DHRS7B: variants seen among roughly 807,000 people sequenced by gnomAD.
The protein encoded by DHRS7B is dehydrogenase/reductase 7B.
Under a neutral mutation model 26.4 loss-of-function variants are expected in DHRS7B, and 24 were observed. The observed-to-expected ratio is 0.91, with a 90% CI of 0.66 to 1.28. The LOEUF (loss-of-function observed/expected upper bound fraction) is 1.28. DHRS7B is among the 50% of genes most tolerant of loss of function. The probability of loss-of-function intolerance (pLI) is 0.00; values close to 1 mark genes in which losing one functional copy is unlikely to be tolerated. For synonymous variants in DHRS7B, 142 were observed against 166.4 expected, an observed-to-expected ratio of 0.85 and a Z score of 1.13; for missense variants, 368 against 419.4, an observed-to-expected ratio of 0.88 and a Z score of 1.07.
intron 2 of DHRS7B, among the ~76,000 whole-genome samples, chr17:21,174,871 TG>T (rs758806353): frequency 1.3e-5 from 2 of 152,142 alleles, no homozygotes; most frequent in Non-Finnish European, 2.9e-5. Context: ...TGGCTTGGAG[TG>T]CAGCCATCAC....
At chr17:21,182,307 G>A (rs1438674780) in intron 3 of DHRS7B, among the ~76,000 whole-genome samples, 1 of 151,584 alleles carries the variant, frequency 6.6e-6, no homozygotes, top group Non-Finnish European at 1.5e-5. Flanking sequence ...GGAGTGCAAT[G>A]GTGCGATCTC....
chr17:21,191,163 C>A lies in DHRS7B; in HGVS notation c.*10C>A, dbSNP rs370322349. The stretch of plus-strand genomic sequence containing the variant: ...ATCCAAGAACTCCTAGTACTCTGAC[C>A]AGCCAGGGCCAGGGCAGAGAAGCAG... On this transcript the variant is annotated 3_prime_UTR_variant, in exon 7 of 7. Coordinates refer to ENST00000395511, the MANE Select transcript of DHRS7B (RefSeq NM_015510.5). 1.2e-6 allele frequency: 2 copies of A among 1,612,564 alleles called. No homozygotes were observed. Among genetic ancestry groups the A allele is most frequent in the African/African-American group, 1.3e-5 (1 of 74,892 alleles).
chr17:21,145,316 G>A (rs1050077813), intron 1 of DHRS7B, among the ~76,000 whole-genome samples: 4 of 150,908 alleles, frequency 2.7e-5, no homozygotes, highest in Admixed American at 6.6e-5. Context: ...AGAGCGAGAC[G>A]CCGTCTAAAA....
At chr17:21,128,603 G>C (rs1973154557) in intron 1 of DHRS7B, 1 of 152,120 alleles carries the variant, frequency 6.6e-6, no homozygotes, top group African/African-American at 2.4e-5. Flanking sequence ...GGGAGGCTGA[G>C]GCAGGAGAAT....
chr17:21,188,848 G>A lies in DHRS7B; in HGVS notation c.757G>A (p.Gly253Arg), dbSNP rs1220999943. The A allele has an allele frequency of 3.1e-6, 5 of 1,614,178 alleles. No individual in the cohort carries two copies. The highest frequency in any genetic ancestry group is 4.2e-6 in the Non-Finnish European group (5 of 1,180,026). The change falls in exon 6 of 7, where the codon GGA becomes AGA. Residue 253 changes from glycine to arginine, a missense_variant. Physicochemically the swap from Gly to Arg is moderately radical, Grantham distance 125. Transcript: ENST00000395511. ...CTCTGTAAATGCCATCACCGCGGAT[G>A]GATCTAGGTATGGAGGTGAGGCCCG... is the stretch of plus-strand genomic sequence containing the variant. ...NLSVNAITAD[G>R]SRYGVMDTTT...
chr17:21,155,221 G>GAC (rs1281794690), intron 1 of DHRS7B, among the ~76,000 whole-genome samples: 2 of 152,080 alleles, frequency 1.3e-5, no homozygotes, highest in East Asian at 3.8e-4. Flanking sequence ...CAAAGAATAA[G>GAC]ACCCAAATAT....
intron 2 of DHRS7B, among the ~76,000 whole-genome samples, chr17:21,173,877 G>A (rs2144142722): frequency 6.6e-6 from 1 of 152,284 alleles, no homozygotes; most frequent in African/African-American, 2.4e-5. Context: ...TGAGTCGCAA[G>A]TGCTCCCATC....
chr17:21,189,247 G>T (rs1486930497), intron 6 of DHRS7B, among the ~76,000 whole-genome samples: 1 of 152,218 alleles, frequency 6.6e-6, no homozygotes, highest in South Asian at 2.1e-4. Flanking sequence ...TAGGGTGTTT[G>T]ATGGTCTGTC....
At chr17:21,142,430 C>T (rs754944658) in intron 1 of DHRS7B, among the ~76,000 whole-genome samples, 10 of 152,132 alleles carry the variant, frequency 6.6e-5, no homozygotes, top group Non-Finnish European at 1.5e-4. Context: ...TCTTTAGTTT[C>T]GCTTCTCTTT....
rs190555736 is a variant in DHRS7B at position 21,150,721 on chromosome 17, T to C, written c.21-21297T>C. On this transcript the variant is annotated intron_variant, in intron 1 of 6. Transcript: ENST00000395511. ...TATAATAAAATTACCACAAATTTAG[T>C]GGCTTAATAAACCACATATTTATTA... Among the ~76,000 whole-genome samples the C allele has an allele frequency of 4.0e-3, 604 of 152,332 alleles. 3 individuals are homozygous for C. Among genetic ancestry groups the C allele is most frequent in the Non-Finnish European group, 4.6e-3 (310 of 68,032 alleles).
chr17:21,139,271 T>C (rs938561691), intron 1 of DHRS7B, among the ~76,000 whole-genome samples: 1 of 152,330 alleles, frequency 6.6e-6, no homozygotes. Flanking sequence ...TAATGTCTTA[T>C]TTATTAAAAA....
intron 6 of DHRS7B, among the ~76,000 whole-genome samples, 160 bp from the exon 7 acceptor site, chr17:21,190,788 A>T (rs1974759436): frequency 6.6e-6 from 1 of 152,224 alleles, no homozygotes; most frequent in Non-Finnish European, 1.5e-5. Context: ...TGGAGCATGG[A>T]ATCATCAGGG....
intron 1 of DHRS7B, among the ~76,000 whole-genome samples, chr17:21,160,132 G>A (rs1199127879): frequency 1.3e-5 from 2 of 151,946 alleles, no homozygotes; most frequent in Non-Finnish European, 2.9e-5. Context: ...GAGGTGGGTA[G>A]ATCACAATGT....
chr17:21,154,910 G>C (rs1311700214), intron 1 of DHRS7B, among the ~76,000 whole-genome samples: 2 of 151,948 alleles, frequency 1.3e-5, no homozygotes, highest in African/African-American at 2.4e-5. Flanking sequence ...AAGTGGACTT[G>C]GATTCATTGG....
At position 21,158,990 on chromosome 17, in the gene DHRS7B, A is replaced by C. The variant is rs554874661; in HGVS notation, c.21-13028A>C. Among the ~76,000 whole-genome samples, 3 of 152,202 alleles carry C rather than the reference A, an allele frequency of 2.0e-5. No individual in the cohort carries two copies. The East Asian group carries it at 5.8e-4, about 29-fold the overall frequency. ...AAAAAAAAATCTAAACACAGACTTCACAACTTTCTCAAAAGTTAACTCAAA... is the reference window on the plus strand; with the variant it reads ...AAAAAAAAATCTAAACACAGACTTCCCAACTTTCTCAAAAGTTAACTCAAA... On this transcript the variant is annotated intron_variant, in intron 1 of 6. Coordinates refer to ENST00000395511, the MANE Select transcript of DHRS7B (RefSeq NM_015510.5).
chr17:21,131,272 G>T (rs1015950498), intron 1 of DHRS7B, among the ~76,000 whole-genome samples: 1 of 152,232 alleles, frequency 6.6e-6, no homozygotes, highest in Non-Finnish European at 1.5e-5. Context: ...GTCATTTCCT[G>T]ATTATATGCT....
chr17:21,185,984 A>G (rs1398580492), intron 5 of DHRS7B, among the ~76,000 whole-genome samples: 1 of 152,232 alleles, frequency 6.6e-6, no homozygotes, highest in Non-Finnish European at 1.5e-5. Flanking sequence ...CACCGCGCCC[A>G]GCTGGAGTTC....
intron 1 of DHRS7B, among the ~76,000 whole-genome samples, chr17:21,161,942 A>T (rs1264597791): frequency 1.3e-5 from 2 of 152,070 alleles, no homozygotes; most frequent in African/African-American, 2.4e-5. Context: ...GAGAGTTGTT[A>T]TATAAACTTT....
chr17:21,189,001 G>C, intron 6 of DHRS7B, 138 bp downstream of exon 6: 1 of 1,160,690 alleles, frequency 8.6e-7, no homozygotes, highest in Non-Finnish European at 1.2e-6. Flanking sequence ...TGACAGAGGT[G>C]TTGGTTCTAG....
Sources: allele counts gnomAD v4.1 joint callset (sites outside exome capture counted in the v4.1 genomes callset), GRCh38; gene constraint gnomAD v4.1.1; transcripts MANE v1.5; gene names NCBI Gene and HGNC (gene_info 2026-07-23, HGNC 2026-07-21).